Variants in DYNC2H1 observed in about 807,000 individuals in gnomAD.
DYNC2H1 encodes the protein dynein cytoplasmic 2 heavy chain 1, also known as cytoplasmic dynein 2 heavy chain 1.
A neutral mutation model predicts 570.0 loss-of-function variants in DYNC2H1; 410 were observed. The ratio of observed to expected loss-of-function variants is 0.72; its 90% CI spans 0.66 to 0.78. DYNC2H1 has a LOEUF of 0.78. DYNC2H1 is among the 30% of genes least tolerant of loss of function. The pLI is 0.00. For synonymous variants in DYNC2H1, 1,688 were observed against 1,677.6 expected (o/e 1.01, Z -0.15); for missense variants, 4,865 against 5,046.4 (o/e 0.96, Z 1.09).
intron 12 of DYNC2H1, among the ~76,000 whole-genome samples, chr11:103,127,750 A>T (rs929470411): frequency 3.3e-5 from 5 of 152,140 alleles, no homozygotes; most frequent in Middle Eastern, 3.2e-3. Flanking sequence ...TCCTTGTAGG[A>T]TCTGTATTTA....
intron 17 of DYNC2H1, among the ~76,000 whole-genome samples, chr11:103,141,836 C>T (rs1859955253): frequency 6.6e-6 from 1 of 152,362 alleles, no homozygotes; most frequent in East Asian, 1.9e-4. Context: ...GCAGGCAGGC[C>T]TCCTTGAGCT....
intron 53 of DYNC2H1, among the ~76,000 whole-genome samples, chr11:103,210,406 A>G (rs959493323): frequency 2.6e-5 from 4 of 151,952 alleles, no homozygotes; most frequent in Non-Finnish European, 5.9e-5. Flanking sequence ...CTTCAAATTA[A>G]TTTTGATTGT....
At chr11:103,178,984 A>T (rs1861739381) in intron 38 of DYNC2H1, 42 bp from the exon 39 acceptor site, 1 of 1,542,400 alleles carries the variant, frequency 6.5e-7, no homozygotes, top group African/African-American at 1.4e-5. Flanking sequence ...TTATCACTGC[A>T]TATATTTTTA....
Position 103,435,966 on chromosome 11 carries a change from G to A in DYNC2H1, c.12390G>A (p.Lys4130=), listed in dbSNP as rs760448746. 6.2e-7 allele frequency: 1 copy of A among 1,612,674 alleles called. No homozygotes were observed. Among genetic ancestry groups the A allele is most frequent in the Non-Finnish European group, 8.5e-7 (1 of 1,179,106 alleles). The change falls in exon 85 of 89, where the codon AAG becomes AAA. Residue 4130 remains lysine, a synonymous_variant. Coordinates refer to ENST00000375735, the MANE Select transcript of DYNC2H1 (RefSeq NM_001377.3). ...AGTGTCCTCTCGCATGGCAGAGCAA[G>A]TGGGAAGGCCCAGAAGATCCCTTAC... The part of the protein sequence containing the change: ...NQKCPLAWQS[K]WEGPEDPLQY...
At position 103,277,740 on chromosome 11, in the gene DYNC2H1, A is replaced by T. The variant is rs548508650; in HGVS notation, c.10696-2608A>T. ...CAGGTAACCTAGTGACATCATGATTAGTTCTGTTGTTTAGGGACTCCCTGT... is the reference window on the plus strand; with the variant it reads ...CAGGTAACCTAGTGACATCATGATTTGTTCTGTTGTTTAGGGACTCCCTGT... On this transcript the variant is annotated intron_variant, in intron 70 of 88. Coordinates refer to ENST00000375735, the MANE Select transcript of DYNC2H1 (RefSeq NM_001377.3). The surrounding 1 kb of genome is among the most constrained non-coding windows in gnomAD (Gnocchi z 4.3). Among the ~76,000 whole-genome samples, 6 of 152,238 alleles carry T rather than the reference A, an allele frequency of 3.9e-5. No individual in the cohort carries two copies. In the South Asian group the frequency reaches 1.0e-3, roughly 26 times the overall value.
At chr11:103,330,320 T>C (rs1003289824) in intron 82 of DYNC2H1, among the ~76,000 whole-genome samples, 1 of 152,094 alleles carries the variant, frequency 6.6e-6, no homozygotes, top group East Asian at 1.9e-4. Context: ...TGTACGAATT[T>C]GTGCAATCAA....
intron 80 of DYNC2H1, among the ~76,000 whole-genome samples, chr11:103,317,368 C>T (rs1332095445): frequency 6.8e-6 from 1 of 147,996 alleles, no homozygotes; most frequent in Non-Finnish European, 1.5e-5. Context: ...ACCTTGGATT[C>T]TTTTTTTTTT....
At position 103,222,983 on chromosome 11, in the gene DYNC2H1, A is replaced by G. The variant is rs527478018; in HGVS notation, c.9250A>G (p.Thr3084Ala). Reference protein sequence around the residue: ...FDPKNAKRASTAAAPLAAWVK... With the variant: ...FDPKNAKRASAAAAPLAAWVK... The stretch of plus-strand genomic sequence containing the variant: ...TTTTCAGAATGCTAAGCGTGCCAGT[A>G]CTGCAGCTGCACCTTTGGCTGCCTG... The change falls in exon 59 of 89, where the codon ACT (threonine) becomes GCT (alanine). Residue 3084 changes from threonine to alanine, a missense_variant. Transcript: ENST00000375735. 8 of 1,613,404 alleles carry G rather than the reference A, an allele frequency of 5.0e-6. No individual in the cohort carries two copies. In the South Asian group the frequency reaches 8.8e-5, roughly 18 times the overall value.
chr11:103,394,835 A>T lies in DYNC2H1; in HGVS notation c.12157-4828A>T, dbSNP rs531658975. Among the ~76,000 whole-genome samples, 6 of 152,196 alleles carry T rather than the reference A, an allele frequency of 3.9e-5. No individual in the cohort carries two copies. The South Asian group carries it at 1.2e-3, about 32-fold the overall frequency. Reference sequence around the variant, plus strand: ...TGTTACTAGGTATAAAAGGTTTAGAAATCCAAGCTCTGTCCACTAATAACT... The same window carrying T: ...TGTTACTAGGTATAAAAGGTTTAGATATCCAAGCTCTGTCCACTAATAACT... On this transcript the variant is annotated intron_variant, in intron 83 of 88. Coordinates refer to ENST00000375735, the MANE Select transcript of DYNC2H1 (RefSeq NM_001377.3).
chr11:103,273,173 T>G (rs1865777492), intron 70 of DYNC2H1, among the ~76,000 whole-genome samples: 1 of 151,148 alleles, frequency 6.6e-6, no homozygotes, highest in African/African-American at 2.4e-5. Context: ...TCTCTTCTCT[T>G]CTCTTTCTTT....
At chr11:103,454,793 C>A (rs1944729089) in intron 85 of DYNC2H1, among the ~76,000 whole-genome samples, 1 of 152,150 alleles carries the variant, frequency 6.6e-6, no homozygotes, top group African/African-American at 2.4e-5. Flanking sequence ...TATTCACCAT[C>A]AAATCTGGAA....
At chr11:103,331,344 G>A (rs1045732952) in intron 82 of DYNC2H1, among the ~76,000 whole-genome samples, 2 of 152,022 alleles carry the variant, frequency 1.3e-5, no homozygotes, top group African/African-American at 4.8e-5. Flanking sequence ...AGCTTTTTTT[G>A]TACCAGAAAC....
chr11:103,319,195 A>T lies in DYNC2H1; in HGVS notation c.11726-1834A>T, dbSNP rs1360211245. On this transcript the variant is annotated intron_variant, in intron 80 of 88. Coordinates refer to ENST00000375735, the MANE Select transcript of DYNC2H1 (RefSeq NM_001377.3). The surrounding 1 kb of genome is among the most constrained non-coding windows in gnomAD (Gnocchi z 4.3). ...ATTAATAGCATTGTAAGACATAGAT[A>T]TATAAATAGGTATCTTACACCATTA... is the stretch of plus-strand genomic sequence containing the variant. 6.6e-6 allele frequency among the ~76,000 whole-genome samples: 1 copy of T among 152,182 alleles called. No individual in the cohort carries two copies. The highest frequency in any genetic ancestry group is 2.1e-4 in the South Asian group (1 of 4,832).
At chr11:103,242,781 C>T (rs962134425) in intron 63 of DYNC2H1, among the ~76,000 whole-genome samples, 3 of 151,948 alleles carry the variant, frequency 2.0e-5, no homozygotes, top group African/African-American at 4.8e-5. Context: ...AGTGCAGTGG[C>T]GTGATCTTGG....
intron 82 of DYNC2H1, among the ~76,000 whole-genome samples, chr11:103,328,564 A>G (rs556380965): frequency 6.6e-6 from 1 of 152,202 alleles, no homozygotes; most frequent in South Asian, 2.1e-4. Flanking sequence ...TGCATCAGGT[A>G]TTTGATGATT....
At chr11:103,436,066 G>A in intron 85 of DYNC2H1, 34 bp downstream of exon 85, 1 of 1,573,980 alleles carries the variant, frequency 6.4e-7, no homozygotes, top group Non-Finnish European at 8.7e-7. Flanking sequence ...TGGGTTGTCT[G>A]ACTGTGTGAC....
At chr11:103,407,205 T>C (rs981976149) in intron 84 of DYNC2H1, 3 of 151,662 alleles carry the variant, frequency 2.0e-5, no homozygotes, top group Admixed American at 6.6e-5. Context: ...CCTGTGAAAA[T>C]AGTTAAATAA....
intron 75 of DYNC2H1, among the ~76,000 whole-genome samples, chr11:103,288,647 G>C (rs1866446711): frequency 9.0e-6 from 1 of 110,886 alleles, no homozygotes; most frequent in Admixed American, 1.3e-4. Flanking sequence ...AGGAGTTCAA[G>C]ACCAACCTGC....
At chr11:103,343,207 G>A (rs1484512121) in intron 82 of DYNC2H1, among the ~76,000 whole-genome samples, 7 of 152,096 alleles carry the variant, frequency 4.6e-5, no homozygotes, top group Non-Finnish European at 7.3e-5. Flanking sequence ...CAAAAGTTTC[G>A]TTGACCCTGC....
Sources: allele counts gnomAD v4.1 joint callset (sites outside exome capture counted in the v4.1 genomes callset), GRCh38; gene constraint gnomAD v4.1.1; non-coding constraint Gnocchi (gnomAD v3.1); transcripts MANE v1.5; gene names NCBI Gene and HGNC (gene_info 2026-07-23, HGNC 2026-07-21).